PAIP2B: variants seen among roughly 807,000 people sequenced by gnomAD.
PAIP2B encodes polyadenylate-binding protein-interacting protein 2B.
In PAIP2B, 13 loss-of-function variants were observed where a neutral mutation model predicts 17.0. The observed-to-expected ratio is 0.76, with a 90% CI of 0.50 to 1.22. The LOEUF (loss-of-function observed/expected upper bound fraction) is 1.22, where lower values mean the gene tolerates loss of function less well. Among genes scored for constraint, PAIP2B ranks in the 50% most tolerant of loss-of-function variants. PAIP2B has a pLI of 0.00. For synonymous variants in PAIP2B, 43 were observed against 48.7 expected, an observed-to-expected ratio of 0.88 and a Z score of 0.48; for missense variants, 117 against 144.5, an observed-to-expected ratio of 0.81 and a Z score of 0.98.
At chr2:71,206,646 T>C (rs556202964) in intron 1 of PAIP2B, among the ~76,000 whole-genome samples, 1 of 152,218 alleles carries the variant, frequency 6.6e-6, no homozygotes, top group Non-Finnish European at 1.5e-5. Context: ...TTTAACACTT[T>C]AAACACCCAC....
rs577518066 is a variant in PAIP2B, at chr2:71,193,980, T to TCTTTTCCCTAGTGCTTGTTTTTGTCAG, written c.139-3986_139-3960dup. On this transcript the variant is annotated intron_variant, in intron 2 of 3. Coordinates refer to ENST00000244221, the MANE Select transcript of PAIP2B (RefSeq NM_020459.1). The stretch of plus-strand genomic sequence containing the variant: ...CCAGCACCATTTATTAAACAGGGAG[T>TCTTTTCCCTAGTGCTTGTTTTTGTCAG]CTTTTCCCTAGTGCTTGTTTTTGTC... Among the ~76,000 whole-genome samples, 17 of 152,032 alleles carry TCTTTTCCCTAGTGCTTGTTTTTGTCAG rather than the reference T, an allele frequency of 1.1e-4. 1 individual carries two copies. The East Asian group carries it at 3.1e-3, about 28-fold the overall frequency.
At chr2:71,226,668 C>A (rs1675738358) in intron 1 of PAIP2B, among the ~76,000 whole-genome samples, 1 of 151,968 alleles carries the variant, frequency 6.6e-6, no homozygotes, top group South Asian at 2.1e-4. Flanking sequence ...GGAAACAGAG[C>A]ACCTGTGCGG....
chr2:71,209,756 C>A (rs1032479744), intron 1 of PAIP2B, among the ~76,000 whole-genome samples: 1 of 152,020 alleles, frequency 6.6e-6, no homozygotes, highest in African/African-American at 2.4e-5. Context: ...TACACAAACA[C>A]AAATAAACAT....
intron 1 of PAIP2B, among the ~76,000 whole-genome samples, chr2:71,206,598 A>T (rs1346392580): frequency 1.3e-5 from 2 of 152,224 alleles, no homozygotes; most frequent in African/African-American, 4.8e-5. Context: ...AGGACTTTTA[A>T]TGTATCTAGG....
chr2:71,226,773 C>CG (rs1675741633), intron 1 of PAIP2B, among the ~76,000 whole-genome samples, 155 bp downstream of exon 1: 1 of 152,222 alleles, frequency 6.6e-6, no homozygotes, highest in South Asian at 2.1e-4. Context: ...CGTGGGACCC[C>CG]GCGCGCTTTC....
intron 2 of PAIP2B, among the ~76,000 whole-genome samples, chr2:71,201,614 C>T (rs1049163927): frequency 1.3e-5 from 2 of 152,164 alleles, no homozygotes; most frequent in Non-Finnish European, 2.9e-5. Flanking sequence ...CTCCTGACTT[C>T]AAGTGATCTG....
chr2:71,205,191 G>A (rs1243264193), intron 1 of PAIP2B, among the ~76,000 whole-genome samples: 1 of 152,146 alleles, frequency 6.6e-6, no homozygotes, highest in South Asian at 2.1e-4. Flanking sequence ...TGAACTTAAC[G>A]CAAATACTTC....
intron 1 of PAIP2B, among the ~76,000 whole-genome samples, chr2:71,218,449 A>G (rs1432450082): frequency 2.0e-5 from 3 of 152,206 alleles, no homozygotes; most frequent in Non-Finnish European, 2.9e-5. Flanking sequence ...AATTAAAGAA[A>G]ATGTAATTAA....
intron 2 of PAIP2B, among the ~76,000 whole-genome samples, chr2:71,192,112 T>A (rs539389425): frequency 6.6e-6 from 1 of 152,310 alleles, no homozygotes; most frequent in Admixed American, 6.5e-5. Flanking sequence ...CCTTTTCCCA[T>A]TAACACAAAT....
rs931143288 is a variant in PAIP2B, at chr2:71,207,325, C to T, written c.-11-4725G>A. 2.0e-5 allele frequency among the ~76,000 whole-genome samples: 3 copies of T among 151,874 alleles called. No homozygotes were observed. The South Asian group carries it at 6.2e-4, about 32-fold the overall frequency. The stretch of plus-strand genomic sequence containing the variant: ...AAAATGACGTACAATGAATCAAAGG[C>T]AGGAGGGAATTTTCGGGAACTACAA... On this transcript the variant is annotated intron_variant, in intron 1 of 3. Transcript: ENST00000244221.
Position 71,183,507 on chromosome 2 carries a change from T to G in PAIP2B, c.*4972A>C. The G allele has an allele frequency of 7.6e-6, 1 of 131,320 alleles. No individual in the cohort carries two copies. Among genetic ancestry groups the G allele is most frequent in the African/African-American group, 3.0e-5 (1 of 33,728 alleles). 8.1% of individuals were successfully genotyped at this position (131,320 alleles called of 1,614,324 possible). A position where few individuals can be genotyped will look rare whatever the true frequency, so the allele number is the denominator to read the frequency against. On this transcript the variant is annotated 3_prime_UTR_variant, in exon 4 of 4. Coordinates refer to ENST00000244221, the MANE Select transcript of PAIP2B (RefSeq NM_020459.1). ...CCCTATAAGTCCTACGTTCGGAGGG[T>G]TCCGTTTAGACAACAGGAAGTTGGA... is the stretch of plus-strand genomic sequence containing the variant.
chr2:71,201,011 GTGT>G (rs772587558), intron 2 of PAIP2B, among the ~76,000 whole-genome samples: 5 of 7,518 alleles, frequency 6.7e-4, no homozygotes, highest in Admixed American at 6.3e-3. Flanking sequence ...GTGTGTGGGT[GTGT>G]GTGTGTGTGT....
Position 71,214,998 on chromosome 2 carries a change from A to G in PAIP2B, c.-12+11930T>C, listed in dbSNP as rs183457289. On this transcript the variant is annotated intron_variant, in intron 1 of 3. Coordinates refer to ENST00000244221, the MANE Select transcript of PAIP2B (RefSeq NM_020459.1). ...AAAGATGGTAAAAACATCCTTATCA[A>G]CATCATTCTATAAAAGGATATTTTA... is the stretch of plus-strand genomic sequence containing the variant. Among the ~76,000 whole-genome samples, 12 of 152,344 alleles carry G rather than the reference A, an allele frequency of 7.9e-5. No homozygotes were observed. In the East Asian group the frequency reaches 2.1e-3, roughly 27 times the overall value.
rs1384202655 is a variant in PAIP2B at position 71,186,228 on chromosome 2, G to T, written c.*2251C>A. 1 of 152,212 alleles carries T rather than the reference G, an allele frequency of 6.6e-6. No homozygotes were observed. Among genetic ancestry groups the T allele is most frequent in the Non-Finnish European group, 1.5e-5 (1 of 68,048 alleles). 9.4% of individuals were successfully genotyped at this position (152,212 alleles called of 1,614,324 possible). A position where few individuals can be genotyped will look rare whatever the true frequency, so the allele number is the denominator to read the frequency against. On this transcript the variant is annotated 3_prime_UTR_variant, in exon 4 of 4. Transcript: ENST00000244221. ...AGGTAGCAAACTCTAACTAGCCTGT[G>T]TTGTGAGTGACAATTGTGCCCCTAC... is the stretch of plus-strand genomic sequence containing the variant.
intron 3 of PAIP2B, 51 bp from the exon 4 acceptor site, chr2:71,188,586 A>G: frequency 1.4e-6 from 2 of 1,470,414 alleles, no homozygotes; most frequent in Admixed American, 3.8e-5. Flanking sequence ...TGCATTTTAA[A>G]ACTTACCCAG....
intron 1 of PAIP2B, among the ~76,000 whole-genome samples, chr2:71,223,818 T>A (rs1211437385): frequency 6.6e-6 from 1 of 152,198 alleles, no homozygotes; most frequent in Non-Finnish European, 1.5e-5. Context: ...AATAAATTTA[T>A]GAATAAATGT....
intron 1 of PAIP2B, among the ~76,000 whole-genome samples, chr2:71,224,267 A>G (rs1675666397): frequency 6.6e-6 from 1 of 152,194 alleles, no homozygotes; most frequent in Admixed American, 6.5e-5. Context: ...ATTTTTTGTA[A>G]GTAAGGAAAA....
At chr2:71,195,166 A>G (rs1674785237) in intron 2 of PAIP2B, among the ~76,000 whole-genome samples, 1 of 152,178 alleles carries the variant, frequency 6.6e-6, no homozygotes, top group South Asian at 2.1e-4. Flanking sequence ...CATCAAGGAT[A>G]TTTCCCTGAA....
Position 71,183,808 on chromosome 2 carries a change from G to T in PAIP2B, c.*4671C>A, listed in dbSNP as rs1053572107. 6.6e-6 allele frequency: 1 copy of T among 152,204 alleles called. No individual in the cohort carries two copies. The highest frequency in any genetic ancestry group is 2.4e-5 in the African/African-American group (1 of 41,454). The allele number at this position is 152,204 out of a possible 1,614,324, so 9.4% of individuals were successfully genotyped here. On this transcript the variant is annotated 3_prime_UTR_variant, in exon 4 of 4. Coordinates refer to ENST00000244221, the MANE Select transcript of PAIP2B (RefSeq NM_020459.1). ...GTAAAAGAGCATGAAGGATCTTATT[G>T]GGAGGGATAAAAATGTTCTAAAACT...
Sources: allele counts gnomAD v4.1 joint callset (sites outside exome capture counted in the v4.1 genomes callset), GRCh38; gene constraint gnomAD v4.1.1; transcripts MANE v1.5; gene names NCBI Gene and HGNC (gene_info 2026-07-23, HGNC 2026-07-21).